DNAH14: variants seen among roughly 807,000 people sequenced by gnomAD.
The protein encoded by DNAH14 is dynein axonemal heavy chain 14.
In DNAH14, 478 loss-of-function variants were observed where a neutral mutation model predicts 520.9. The observed-to-expected ratio is 0.92, with a 90% CI of 0.85 to 0.99. The LOEUF is 0.99. DNAH14 is among the 50% of genes least tolerant of loss of function. The probability of loss-of-function intolerance (pLI) is 0.00; values close to 1 mark genes in which losing one functional copy is unlikely to be tolerated. For synonymous variants in DNAH14, 1,581 were observed against 1,757.2 expected, an observed-to-expected ratio of 0.90 and a Z score of 2.51; for missense variants, 4,831 against 5,234.5, an observed-to-expected ratio of 0.92 and a Z score of 2.38.
At chr1:225,073,252 T>G (rs766690625) in intron 17 of DNAH14, among the ~76,000 whole-genome samples, 1 of 151,826 alleles carries the variant, frequency 6.6e-6, no homozygotes, top group South Asian at 2.1e-4. Flanking sequence ...GGTACCACTT[T>G]TACCCCCAGT....
intron 17 of DNAH14, among the ~76,000 whole-genome samples, chr1:225,057,070 A>C (rs2069209883): frequency 6.6e-6 from 1 of 152,200 alleles, no homozygotes. Context: ...TCTGTGAAGA[A>C]AGTCTTTGGT....
intron 51 of DNAH14, 40 bp downstream of exon 51, chr1:225,272,113 A>G (rs1168197219): frequency 2.6e-6 from 4 of 1,511,738 alleles, no homozygotes; most frequent in Non-Finnish European, 2.7e-6. Flanking sequence ...TTTTTTAAAT[A>G]TAAGTTGCTC....
chr1:225,351,064 A>G (rs956376671), intron 71 of DNAH14, among the ~76,000 whole-genome samples: 8 of 152,198 alleles, frequency 5.3e-5, no homozygotes, highest in African/African-American at 2.4e-5. Flanking sequence ...TCTCAGTTTC[A>G]CAACAGTATG....
Position 225,023,874 on chromosome 1 carries a change from C to G in DNAH14, c.1358+9C>G. 1.3e-6 allele frequency: 2 copies of G among 1,514,296 alleles called. No individual in the cohort carries two copies. The highest frequency in any genetic ancestry group is 1.8e-6 in the Non-Finnish European group (2 of 1,126,890). 93.8% of individuals were successfully genotyped at this position (1,514,296 alleles called of 1,614,324 possible). On this transcript the variant is annotated intron_variant, in intron 11 of 85. Transcript: ENST00000682510. Reference sequence around the variant, plus strand: ...AATGAAAATCTTATCAGGTAAATTACTTTTTTGAAGTCAAAAAGTAACTTA... The same window carrying G: ...AATGAAAATCTTATCAGGTAAATTAGTTTTTTGAAGTCAAAAAGTAACTTA...
intron 19 of DNAH14, among the ~76,000 whole-genome samples, chr1:225,082,329 C>T (rs945432975): frequency 3.3e-5 from 5 of 151,974 alleles, no homozygotes. Flanking sequence ...GTTTTAGTCA[C>T]CTGTCCTTAT....
chr1:225,382,713 CAA>C (rs772208561), intron 81 of DNAH14, among the ~76,000 whole-genome samples: 3 of 136,464 alleles, frequency 2.2e-5, no homozygotes, highest in African/African-American at 2.7e-5. Flanking sequence ...CACTCTGTCT[CAA>C]AAAAAAAAAA....
intron 10 of DNAH14, among the ~76,000 whole-genome samples, chr1:225,015,048 T>A (rs1322630646): frequency 6.6e-6 from 1 of 152,206 alleles, no homozygotes. Context: ...TATTATATAA[T>A]GTCCTCCATG....
chr1:225,060,556 A>G (rs914007228), intron 17 of DNAH14, among the ~76,000 whole-genome samples: 3 of 152,052 alleles, frequency 2.0e-5, no homozygotes, highest in African/African-American at 7.3e-5. Context: ...GTTGCTGGTG[A>G]GGAGCTGTGT....
At chr1:225,082,768 AG>A in intron 20 of DNAH14, 29 bp downstream of exon 20, 1 of 1,524,298 alleles carries the variant, frequency 6.6e-7, no homozygotes, top group Non-Finnish European at 8.8e-7. Flanking sequence ...TTAAAAAAAT[AG>A]GTTGAAATAC....
At chr1:225,394,069 T>C (rs879386633) in intron 84 of DNAH14, among the ~76,000 whole-genome samples, 7 of 152,146 alleles carry the variant, frequency 4.6e-5, no homozygotes, top group Admixed American at 1.3e-4. Context: ...ATCCCCCTGC[T>C]CCGCCTCCCA....
At chr1:225,207,641 A>G (rs2087764190) in intron 41 of DNAH14, among the ~76,000 whole-genome samples, 1 of 152,234 alleles carries the variant, frequency 6.6e-6, no homozygotes, top group Non-Finnish European at 1.5e-5. Flanking sequence ...ATGTAGTATT[A>G]TAGATAAGAT....
In DNAH14 at chr1:225,218,483, C is replaced by CAAA. The variant is rs143044295; in HGVS notation, c.6439+11274_6439+11276dup. On this transcript the variant is annotated intron_variant, in intron 41 of 85. Transcript: ENST00000682510. The stretch of plus-strand genomic sequence containing the variant: ...GAAGATCTACCAAGCAAATGGAAAC[C>CAAA]AAAAAAAAAAAAAGCAGGGGTTGCA... 4.6e-3 allele frequency among the ~76,000 whole-genome samples: 586 copies of CAAA among 126,744 alleles called. 3 individuals are homozygous for CAAA. The highest frequency in any genetic ancestry group is 0.016 in the African/African-American group (537 of 34,282). The allele number at this position is 126,744 out of a possible 152,430, so 83.1% of individuals were successfully genotyped here.
chr1:225,080,824 T>A (rs552920502), intron 19 of DNAH14, 76 bp downstream of exon 19: 135 of 1,407,716 alleles, frequency 9.6e-5, no homozygotes, highest in Non-Finnish European at 1.2e-4. Context: ...AGCATTGTCC[T>A]TGGCTTGTTT....
In DNAH14 at chr1:225,367,978, T is replaced by C; in HGVS notation, c.12264T>C (p.Asn4088=). Residue 4088 remains asparagine (N), a synonymous_variant, in exon 77 of 86, where the codon AAT becomes AAC. Coordinates refer to ENST00000682510, the MANE Select transcript of DNAH14 (RefSeq NM_001367479.1). ...ATGCTGTAATCAATGAAAGAAAAAA[T>C]TACGGAATATTGGGCTGGAATATTG... ...FFNAVINERK[N]YGILGWNIAY... 1 of 1,551,154 alleles carries C rather than the reference T, an allele frequency of 6.4e-7. No homozygotes were observed. Among genetic ancestry groups the C allele is most frequent in the Non-Finnish European group, 8.7e-7 (1 of 1,146,900 alleles).
chr1:225,157,399 C>T (rs571352436), intron 34 of DNAH14, among the ~76,000 whole-genome samples: 171 of 152,192 alleles, frequency 1.1e-3, no homozygotes, highest in African/African-American at 3.3e-3. Context: ...AGCTATCTTA[C>T]GCTTAAATTT....
At chr1:225,069,904 G>A (rs935073514) in intron 17 of DNAH14, among the ~76,000 whole-genome samples, 1 of 152,084 alleles carries the variant, frequency 6.6e-6, no homozygotes, top group Non-Finnish European at 1.5e-5. Context: ...GGTCTGTTCA[G>A]GGATTCAATT....
intron 38 of DNAH14, among the ~76,000 whole-genome samples, chr1:225,194,625 G>T (rs1045635632): frequency 1.3e-5 from 2 of 152,126 alleles, no homozygotes; most frequent in Admixed American, 6.6e-5. Context: ...AAGATTTCAT[G>T]ATGAAGACAC....
rs869250393 is a variant in DNAH14, at chr1:225,078,804, CT to C, written c.2425-402del. Among the ~76,000 whole-genome samples, 18 of 57,728 alleles carry C rather than the reference CT, an allele frequency of 3.1e-4. 2 individuals are homozygous for C. Among genetic ancestry groups the C allele is most frequent in the Non-Finnish European group, 4.9e-4 (12 of 24,322 alleles). 37.9% of individuals were successfully genotyped at this position (57,728 alleles called of 152,430 possible). A position where few individuals can be genotyped will look rare whatever the true frequency, so the allele number is the denominator to read the frequency against. ...TCTCTCTCTCTCTCTCTCTCTCTCT[CT>C]CTCTCTCTCTCTCTCTCTCCCTCTC... On this transcript the variant is annotated intron_variant, in intron 17 of 85. Transcript: ENST00000682510.
chr1:225,397,989 G>A (rs2096043715), intron 84 of DNAH14: 1 of 140,544 alleles, frequency 7.1e-6, no homozygotes, highest in African/African-American at 2.6e-5. Context: ...GGAGGTTGCA[G>A]TGAGCCAAGA....
Sources: gnomAD v4.1 joint callset for allele counts (sites outside exome capture counted in the v4.1 genomes callset) on GRCh38, gnomAD v4.1.1 for gene constraint, MANE v1.5 for transcripts, NCBI Gene and HGNC (gene_info 2026-07-23, HGNC 2026-07-21) for gene names.